Variants in NTRK3 observed in about 807,000 individuals in gnomAD.
The protein encoded by NTRK3 is neurotrophic receptor tyrosine kinase 3, also known as NT-3 growth factor receptor.
Under a neutral mutation model 91.7 loss-of-function variants are expected in NTRK3, and 24 were observed. The ratio of observed to expected loss-of-function variants is 0.26; its 90% CI spans 0.19 to 0.37. The LOEUF (loss-of-function observed/expected upper bound fraction) is 0.37, where lower values mean the gene tolerates loss of function less well. NTRK3 is among the 10% of genes least tolerant of loss of function. The pLI is 1.00. For missense variants in NTRK3, 880 were observed against 1,068.9 expected (o/e 0.82, Z 2.46); for synonymous variants, 483 against 404.0 (o/e 1.20, Z -2.34).
At chr15:88,074,343 C>T (rs1433921746) in intron 13 of NTRK3, among the ~76,000 whole-genome samples, 3 of 152,208 alleles carry the variant, frequency 2.0e-5, no homozygotes, top group Non-Finnish European at 4.4e-5. Flanking sequence ...GGCCACTGGC[C>T]ACATGTGGTT....
chr15:87,939,397 G>A (rs1479875142), intron 15 of NTRK3, among the ~76,000 whole-genome samples: 1 of 152,204 alleles, frequency 6.6e-6, no homozygotes, highest in Admixed American at 6.5e-5. Flanking sequence ...GCCCAAAGAA[G>A]TTGAGTGTTT....
intron 3 of NTRK3, among the ~76,000 whole-genome samples, chr15:88,214,855 A>C (rs2141477726): frequency 6.6e-6 from 1 of 152,246 alleles, no homozygotes; most frequent in South Asian, 2.1e-4. Flanking sequence ...TGAGCCCCTG[A>C]AGTGCAGGGC....
chr15:88,131,991 T>G, intron 10 of NTRK3: 1 of 202,664 alleles, frequency 4.9e-6, no homozygotes, highest in Non-Finnish European at 1.0e-5. Context: ...TACACATGTC[T>G]CCTACAGTCC....
chr15:87,914,817 G>A (rs1156479906), intron 17 of NTRK3, among the ~76,000 whole-genome samples: 1 of 152,224 alleles, frequency 6.6e-6, no homozygotes, highest in Non-Finnish European at 1.5e-5. Context: ...ACTCAATGGA[G>A]GAAGGCAACC....
At chr15:87,943,689 C>T (rs2070132510) in intron 14 of NTRK3, among the ~76,000 whole-genome samples, 1 of 151,998 alleles carries the variant, frequency 6.6e-6, no homozygotes, top group African/African-American at 2.4e-5. Context: ...CTCTCCTTCC[C>T]TCGGCAGCAA....
chr15:87,877,237 TCACAA>T, intron 18 of NTRK3, 117 bp from the exon 20 acceptor site: 2 of 1,056,908 alleles, frequency 1.9e-6, no homozygotes, highest in Non-Finnish European at 2.9e-6. Flanking sequence ...GCCGAGGCTC[TCACAA>T]GCACAAGCTA....
At chr15:88,115,129 A>G (rs1204199076) in intron 13 of NTRK3, among the ~76,000 whole-genome samples, 1 of 152,180 alleles carries the variant, frequency 6.6e-6, no homozygotes, top group East Asian at 1.9e-4. Context: ...GCCACTTTCC[A>G]GAAAGGCTAC....
At chr15:87,895,413 A>G (rs1048293037) in intron 17 of NTRK3, among the ~76,000 whole-genome samples, 1 of 152,222 alleles carries the variant, frequency 6.6e-6, no homozygotes, top group Non-Finnish European at 1.5e-5. Context: ...TCTGGGGAGT[A>G]TGCCCTAGAA....
At chr15:87,905,572 G>A (rs1596181304) in intron 17 of NTRK3, among the ~76,000 whole-genome samples, 2 of 152,120 alleles carry the variant, frequency 1.3e-5, no homozygotes, top group African/African-American at 4.8e-5. Context: ...CCTGTTTCTT[G>A]CTAATAGCAT....
At chr15:88,113,430 C>A (rs2051668837) in intron 13 of NTRK3, among the ~76,000 whole-genome samples, 1 of 150,806 alleles carries the variant, frequency 6.6e-6, no homozygotes. Context: ...ATTCTCCTGC[C>A]TCAGCCTCCT....
chr15:88,061,598 C>T (rs561162537), intron 13 of NTRK3, among the ~76,000 whole-genome samples: 105 of 152,378 alleles, frequency 6.9e-4, no homozygotes, highest in African/African-American at 2.4e-3. Flanking sequence ...GGCCCACGGA[C>T]ACTCACGCCC....
intron 3 of NTRK3, among the ~76,000 whole-genome samples, chr15:88,229,638 T>C (rs1484913264): frequency 6.6e-6 from 1 of 152,340 alleles, no homozygotes; most frequent in East Asian, 1.9e-4. Context: ...CAACAGGCAA[T>C]GTCCCCAGGG....
chr15:88,045,379 C>G (rs1262293371), intron 13 of NTRK3, among the ~76,000 whole-genome samples: 2 of 152,210 alleles, frequency 1.3e-5, no homozygotes, highest in Non-Finnish European at 2.9e-5. Context: ...AGCTTCTCAG[C>G]TGGTCCTAAA....
At chr15:88,057,279 T>C (rs918789295) in intron 13 of NTRK3, among the ~76,000 whole-genome samples, 11 of 150,742 alleles carry the variant, frequency 7.3e-5, no homozygotes, top group African/African-American at 2.7e-4. Flanking sequence ...TGCGGATCAC[T>C]TGAGGTCAGG....
At chr15:87,926,375 T>C (rs2068310882) in intron 17 of NTRK3, among the ~76,000 whole-genome samples, 1 of 152,222 alleles carries the variant, frequency 6.6e-6, no homozygotes, top group Non-Finnish European at 1.5e-5. Flanking sequence ...TCCAATGGTG[T>C]GCTGTGTATT....
At chr15:88,121,075 A>G (rs1456605377) in intron 13 of NTRK3, among the ~76,000 whole-genome samples, 1 of 150,024 alleles carries the variant, frequency 6.7e-6, no homozygotes, top group East Asian at 1.9e-4. Flanking sequence ...CAAGAGGAAA[A>G]GAGGCCAAAT....
intron 14 of NTRK3, among the ~76,000 whole-genome samples, chr15:87,945,038 G>A (rs1292966043): frequency 3.9e-5 from 6 of 152,228 alleles, no homozygotes; most frequent in African/African-American, 1.2e-4. Flanking sequence ...GGCTGGCCCA[G>A]CAGAGTCTGG....
Position 88,237,898 on chromosome 15 carries a change from C to T in NTRK3, c.248+18008G>A, listed in dbSNP as rs1200296752. Among the ~76,000 whole-genome samples the T allele has an allele frequency of 6.6e-6, 1 of 151,960 alleles. No homozygotes were observed. Among genetic ancestry groups the T allele is most frequent in the East Asian group, 1.9e-4 (1 of 5,198 alleles). ...TGATTGTTATAATATTTTTGTGTTC[C>T]CCTCAAAATTCCTTTGTTGAAGTCC... On this transcript the variant is annotated intron_variant, in intron 3 of 18. Coordinates refer to ENST00000394480, the Ensembl canonical transcript of NTRK3. The surrounding 1 kb of genome is among the most constrained non-coding windows in gnomAD (Gnocchi z 4.0).
intron 5 of NTRK3, among the ~76,000 whole-genome samples, chr15:88,182,128 C>G (rs368626893): frequency 6.6e-6 from 1 of 152,104 alleles, no homozygotes. Flanking sequence ...GTCTCAGTCC[C>G]CTGGGGCTGA....
Sources: allele counts gnomAD v4.1 joint callset (sites outside exome capture counted in the v4.1 genomes callset), GRCh38; gene constraint gnomAD v4.1.1; non-coding constraint Gnocchi (gnomAD v3.1); transcripts MANE v1.5; gene names NCBI Gene and HGNC (gene_info 2026-07-23, HGNC 2026-07-21).